The following DCLRE1C variants were observed in gnomAD, a reference collection of about 807,000 sequenced individuals.
The protein encoded by DCLRE1C is DNA cross-link repair 1C, also known as protein artemis.
DCLRE1C carries 47 observed loss-of-function variants against 61.4 expected under a neutral mutation model. The ratio of observed to expected loss-of-function variants is 0.77; its 90% confidence interval spans 0.61 to 0.98. The LOEUF is 0.98. Ranked by LOEUF, DCLRE1C falls within the 50% of genes least tolerant of loss-of-function variation. The pLI, the probability that DCLRE1C is intolerant of heterozygous loss-of-function variation, is 0.00. For synonymous variants in DCLRE1C, 337 were observed against 287.6 expected, an observed-to-expected ratio of 1.17 and a Z score of -1.74; for missense variants, 858 against 816.0, an observed-to-expected ratio of 1.05 and a Z score of -0.63.
At chr10:14,904,611 T>C (rs1834242283), downstream of DCLRE1C, among the ~76,000 whole-genome samples, 1 of 152,278 alleles carries the variant, frequency 6.6e-6, no homozygotes, top group Non-Finnish European at 1.5e-5. Flanking sequence ...TCAGTAAACA[T>C]GTAGTTTTGT....
chr10:14,946,231 A>C (rs1247813339), intron 2 of DCLRE1C, among the ~76,000 whole-genome samples: 41 of 139,056 alleles, frequency 2.9e-4, no homozygotes, highest in East Asian at 1.4e-3. Flanking sequence ...TGGTCTCGAT[A>C]TCCTGACCTC....
intron 2 of DCLRE1C, among the ~76,000 whole-genome samples, chr10:14,946,707 G>A (rs983135372): frequency 1.3e-5 from 2 of 151,974 alleles, no homozygotes; most frequent in African/African-American, 4.8e-5. Flanking sequence ...TGTCACCCAG[G>A]CTGGAATGCA....
rs762670101 is a variant in DCLRE1C, at chr10:14,908,524, A to G, written c.1963T>C (p.Ser655Pro). 4 of 1,614,130 alleles carry G rather than the reference A, an allele frequency of 2.5e-6. No individual in the cohort carries two copies. The highest frequency in any genetic ancestry group is 1.1e-5 in the South Asian group (1 of 91,070). Residue 655 changes from serine (S) to proline (P), a missense_variant, in exon 14 of 14, where the codon TCA (serine) becomes CCA (proline). Around this residue, in one of 2 missense-constraint regions of DCLRE1C, gnomAD observed 843 missense variants for 783.5 expected, o/e 1.08. Transcript: ENST00000378278. ...SQSSSDFEVP[S>P]TPEAELPKRE... is the part of the protein sequence containing the mutation. ...TTAGGTAACTCAGCTTCTGGAGTTG[A>G]GGGAACTTCAAAATCAGAAGAGCTC...
chr10:14,908,277 A>G lies in DCLRE1C; in HGVS notation c.*131T>C. On this transcript the variant is annotated 3_prime_UTR_variant, in exon 14 of 14. Transcript: ENST00000378278. Reference sequence around the variant, plus strand: ...GCCCACCTCAAAGTGCTGGGATTACAAGTGTGAGCCACCACACCCAACCAG... The same window carrying G: ...GCCCACCTCAAAGTGCTGGGATTACGAGTGTGAGCCACCACACCCAACCAG... 1.3e-6 allele frequency: 1 copy of G among 750,214 alleles called. No homozygotes were observed. The highest frequency in any genetic ancestry group is 1.6e-5 in the South Asian group (1 of 62,404). 46.5% of individuals were successfully genotyped at this position (750,214 alleles called of 1,614,324 possible). A position where few individuals can be genotyped will look rare whatever the true frequency, so the allele number is the denominator to read the frequency against.
chr10:14,934,257 G>T lies in DCLRE1C; in HGVS notation c.678+123C>A. On this transcript the variant is annotated intron_variant, in intron 8 of 13. Coordinates refer to ENST00000378278, the MANE Select transcript of DCLRE1C (RefSeq NM_001033855.3). ...CCAGGAGAATTGCTTGAACCCGGGAGGTGGAGGCTGCAGTGAGCCGAGGTC... is the reference window on the plus strand; with the variant it reads ...CCAGGAGAATTGCTTGAACCCGGGATGTGGAGGCTGCAGTGAGCCGAGGTC... 8.0e-6 allele frequency: 11 copies of T among 1,382,778 alleles called. No individual in the cohort carries two copies. In the South Asian group the frequency reaches 1.4e-4, roughly 18 times the overall value. 85.7% of individuals were successfully genotyped at this position (1,382,778 alleles called of 1,614,324 possible).
At chr10:14,930,911 T>A (rs1206077824) in intron 9 of DCLRE1C, among the ~76,000 whole-genome samples, 1 of 152,182 alleles carries the variant, frequency 6.6e-6, no homozygotes, top group Non-Finnish European at 1.5e-5. Context: ...ACACTGCAGC[T>A]CTCACCGTGG....
chr10:14,921,374 T>G (rs1055106341), intron 12 of DCLRE1C, among the ~76,000 whole-genome samples: 11 of 152,128 alleles, frequency 7.2e-5, no homozygotes, highest in Admixed American at 6.5e-4. Context: ...CATCCAAGTT[T>G]ATGTATATTC....
At position 14,897,816 on chromosome 10, in the gene DCLRE1C, C is replaced by T. The variant is rs1030711387; in HGVS notation, c.*1348G>A. The T allele has an allele frequency of 1.7e-4, 33 of 189,980 alleles. No homozygotes were observed. In the East Asian group the frequency reaches 2.3e-3, roughly 13 times the overall value. 11.8% of individuals were successfully genotyped at this position (189,980 alleles called of 1,614,324 possible). Reference sequence around the variant, plus strand: ...TTAAAATATGACAACTGTTTTTACCCAAAAGTCCTAAGAAGAAACTCAGAT... The same window carrying T: ...TTAAAATATGACAACTGTTTTTACCTAAAAGTCCTAAGAAGAAACTCAGAT... On this transcript the variant is annotated 3_prime_UTR_variant, in exon 14 of 14. Transcript: ENST00000378289.
At chr10:14,921,943 T>C (rs957226538) in intron 12 of DCLRE1C, among the ~76,000 whole-genome samples, 2 of 152,218 alleles carry the variant, frequency 1.3e-5, no homozygotes, top group African/African-American at 4.8e-5. Context: ...TCCATCGACA[T>C]CTGCAAGCCT....
intron 9 of DCLRE1C, among the ~76,000 whole-genome samples, chr10:14,932,276 T>C (rs36029106): frequency 0.17 from 26,528 of 152,074 alleles, 2,366 homozygotes; most frequent in Middle Eastern, 0.21. Flanking sequence ...TAAGCTATAA[T>C]ATATTACTGA....
At chr10:14,953,769 G>C (rs1352255329) in intron 1 of DCLRE1C, 133 bp downstream of exon 1, 2 of 1,319,322 alleles carry the variant, frequency 1.5e-6, no homozygotes, top group Non-Finnish European at 2.1e-6. Context: ...GCCCGACTGG[G>C]ACAAGGCGTG....
chr10:14,954,422 T>C (rs1363452993), upstream of DCLRE1C: 9 of 309,056 alleles, frequency 2.9e-5, no homozygotes, highest in Non-Finnish European at 5.1e-5. Context: ...TAGAAATCAT[T>C]CTTCGTTCCG....
chr10:14,945,986 G>A (rs1841625730), intron 2 of DCLRE1C, among the ~76,000 whole-genome samples: 2 of 129,272 alleles, frequency 1.5e-5, no homozygotes, highest in African/African-American at 5.8e-5. Context: ...TTAATGAACA[G>A]AAATTAATTT....
In DCLRE1C at chr10:14,919,852, T is replaced by A; in HGVS notation, c.1062-20A>T. The stretch of plus-strand genomic sequence containing the variant: ...TTTAAGCTGAAATGAATCAGAATAT[T>A]TGATTTTTCCTTTTGAGGAAGTTGT... On this transcript the variant is annotated intron_variant, in intron 12 of 13. Coordinates refer to ENST00000378278, the MANE Select transcript of DCLRE1C (RefSeq NM_001033855.3). 1 of 1,582,332 alleles carries A rather than the reference T, an allele frequency of 6.3e-7. No individual in the cohort carries two copies. The highest frequency in any genetic ancestry group is 1.7e-4 in the Middle Eastern group (1 of 5,994).
Position 14,944,944 on chromosome 10 carries a change from G to T in DCLRE1C, c.246+161C>A, listed in dbSNP as rs571855647. The stretch of plus-strand genomic sequence containing the variant: ...TCCGCCAAGGCCTCCCAAAGTGCTG[G>T]GATTATAGGTGTAAGCCACCATGTC... On this transcript the variant is annotated intron_variant, in intron 3 of 13. Transcript: ENST00000378278. Among the ~76,000 whole-genome samples, 5 of 151,906 alleles carry T rather than the reference G, an allele frequency of 3.3e-5. No individual in the cohort carries two copies. The East Asian group carries it at 5.8e-4, about 18-fold the overall frequency.
At position 14,907,961 on chromosome 10, in the gene DCLRE1C, A is replaced by T. The variant is rs1330909442; in HGVS notation, c.*447T>A. The stretch of plus-strand genomic sequence containing the variant: ...ACTGCAACCACCACCTCCCAGGTTC[A>T]AGTGATTCTCCTGCCTTGGCCTCCT... On this transcript the variant is annotated 3_prime_UTR_variant, in exon 14 of 14. Transcript: ENST00000378278. 1 of 152,162 alleles carries T rather than the reference A, an allele frequency of 6.6e-6. No homozygotes were observed. The highest frequency in any genetic ancestry group is 1.4e-5 in the Non-Finnish European group (1 of 70,694). 9.4% of individuals were successfully genotyped at this position (152,162 alleles called of 1,614,324 possible).
intron 3 of DCLRE1C, among the ~76,000 whole-genome samples, chr10:14,941,846 G>A (rs1028221918): frequency 2.6e-5 from 4 of 152,044 alleles, no homozygotes; most frequent in African/African-American, 4.8e-5. Context: ...CACATTTTCT[G>A]CATCCTGTTT....
In DCLRE1C at chr10:14,908,236, C is replaced by T; in HGVS notation, c.*172G>A. The T allele has an allele frequency of 1.8e-6, 1 of 550,972 alleles. No homozygotes were observed. Among genetic ancestry groups the T allele is most frequent in the Non-Finnish European group, 3.2e-6 (1 of 315,786 alleles). 34.1% of individuals were successfully genotyped at this position (550,972 alleles called of 1,614,324 possible). Reference sequence around the variant, plus strand: ...TGTTGGCCAGGCTGGTGTCGAACTCCTGGGCTCAAGCCATTGCCCACCTCA... The same window carrying T: ...TGTTGGCCAGGCTGGTGTCGAACTCTTGGGCTCAAGCCATTGCCCACCTCA... On this transcript the variant is annotated 3_prime_UTR_variant, in exon 14 of 14. Coordinates refer to ENST00000378278, the MANE Select transcript of DCLRE1C (RefSeq NM_001033855.3).
intron 3 of DCLRE1C, 74 bp downstream of exon 3, chr10:14,945,029 CAA>C (rs1841463304): frequency 8.7e-7 from 1 of 1,148,642 alleles, no homozygotes; most frequent in Admixed American, 2.0e-5. Context: ...CAAACTGAGG[CAA>C]AGTTTTTGTC....
Sources: gnomAD v4.1 joint callset for allele counts (sites outside exome capture counted in the v4.1 genomes callset) on GRCh38, gnomAD v4.1.1 for gene constraint, gnomAD v4.1.1 regional missense constraint, MANE v1.5 for transcripts, NCBI Gene and HGNC (gene_info 2026-07-23, HGNC 2026-07-21) for gene names.